The following SLC9C1 variants were observed in gnomAD, a reference collection of about 807,000 sequenced individuals.
SLC9C1 encodes the protein sodium/hydrogen exchanger 10.
In SLC9C1, 97 loss-of-function variants were observed where a neutral mutation model predicts 140.9. The observed-to-expected ratio is 0.69, with a 90% CI of 0.58 to 0.82. The LOEUF (loss-of-function observed/expected upper bound fraction) is 0.82, where lower values mean the gene tolerates loss of function less well. SLC9C1 is among the 40% of genes least tolerant of loss of function. The pLI is 0.00. For missense variants in SLC9C1, 1,340 were observed against 1,389.3 expected (o/e 0.96, Z 0.56); for synonymous variants, 440 against 442.6 (o/e 0.99, Z 0.07).
chr3:112,184,366 G>A (rs530216347), intron 20 of SLC9C1, among the ~76,000 whole-genome samples: 5,470 of 110,686 alleles, frequency 0.049, 194 homozygotes, highest in South Asian at 0.083. Context: ...GGCCAGGTGC[G>A]GTGGCTCATG....
chr3:112,194,139 A>G (rs996140690), intron 20 of SLC9C1, among the ~76,000 whole-genome samples: 1 of 152,116 alleles, frequency 6.6e-6, no homozygotes, highest in African/African-American at 2.4e-5. Context: ...ATCTGGAGTA[A>G]TGCAGCTTCA....
Position 112,231,623 on chromosome 3 carries a change from C to T in SLC9C1, c.1447-137G>A, listed in dbSNP as rs1433810611. ...TGGTAGATAAGAAAAATGTTCAGAT[C>T]CTCATCATTTGCTCAAATGTCCTAA... On this transcript the variant is annotated intron_variant, in intron 12 of 28. Transcript: ENST00000305815. 3 of 797,442 alleles carry T rather than the reference C, an allele frequency of 3.8e-6. No homozygotes were observed. In the East Asian group the frequency reaches 8.1e-5, roughly 21 times the overall value. 49.4% of individuals were successfully genotyped at this position (797,442 alleles called of 1,614,324 possible). A position where few individuals can be genotyped will look rare whatever the true frequency, so the allele number is the denominator to read the frequency against.
chr3:112,142,001 C>G (rs1415312964), intron 28 of SLC9C1, among the ~76,000 whole-genome samples: 1 of 152,170 alleles, frequency 6.6e-6, no homozygotes, highest in Non-Finnish European at 1.5e-5. Flanking sequence ...CGTTGTTAGA[C>G]ACTTGGGCTC....
At chr3:112,266,176 T>C (rs2079913225) in intron 8 of SLC9C1, 62 bp downstream of exon 8, 1 of 1,183,320 alleles carries the variant, frequency 8.5e-7, no homozygotes, top group Admixed American at 2.1e-5. Context: ...TAGATATTGT[T>C]ACTATTATAA....
At chr3:112,182,951 A>C (rs965995735) in intron 20 of SLC9C1, among the ~76,000 whole-genome samples, 2 of 152,046 alleles carry the variant, frequency 1.3e-5, no homozygotes, top group Non-Finnish European at 2.9e-5. Flanking sequence ...TATTCATTTT[A>C]TTTTCATCGT....
intron 2 of SLC9C1, among the ~76,000 whole-genome samples, chr3:112,283,360 G>A (rs2080410804): frequency 6.6e-6 from 1 of 151,966 alleles, no homozygotes; most frequent in South Asian, 2.1e-4. Flanking sequence ...GTGTGTGCCT[G>A]TGGTCCTAGC....
intron 16 of SLC9C1, among the ~76,000 whole-genome samples, chr3:112,206,849 C>T (rs1172567582): frequency 1.0e-4 from 4 of 39,502 alleles, no homozygotes; most frequent in Non-Finnish European, 1.9e-4. Flanking sequence ...GTCGTGGGGT[C>T]GGGGGCTGGG....
chr3:112,271,730 T>C (rs1406881322), intron 6 of SLC9C1, among the ~76,000 whole-genome samples: 1 of 152,152 alleles, frequency 6.6e-6, no homozygotes, highest in Admixed American at 6.5e-5. Flanking sequence ...CTAGATCTAA[T>C]GTAATACACA....
At position 112,269,899 on chromosome 3, in the gene SLC9C1, A is replaced by AT. The variant is rs1298919796; in HGVS notation, c.775+16dup. ...TTTTCTATGTGATTTTATTTTAGGC[A>AT]TAGGCCCCTCACTTACAAATATAAA... On this transcript the variant is annotated intron_variant, in intron 7 of 28. Coordinates refer to ENST00000305815, the MANE Select transcript of SLC9C1 (RefSeq NM_183061.3). 1 of 1,478,438 alleles carries AT rather than the reference A, an allele frequency of 6.8e-7. No homozygotes were observed. The highest frequency in any genetic ancestry group is 9.0e-7 in the Non-Finnish European group (1 of 1,116,450). The allele number at this position is 1,478,438 out of a possible 1,614,324, so 91.6% of individuals were successfully genotyped here. A position where few individuals can be genotyped will look rare whatever the true frequency, so the allele number is the denominator to read the frequency against.
chr3:112,193,485 T>A (rs1366123740), intron 20 of SLC9C1, among the ~76,000 whole-genome samples: 1 of 152,148 alleles, frequency 6.6e-6, no homozygotes, highest in Non-Finnish European at 1.5e-5. Context: ...CAGAGGCATG[T>A]CTGTGTTGAG....
chr3:112,206,989 T>TATA (rs1214623525), intron 16 of SLC9C1, among the ~76,000 whole-genome samples: 4 of 152,070 alleles, frequency 2.6e-5, no homozygotes, highest in South Asian at 2.1e-4. Context: ...GAACTTAAAG[T>TATA]ATAATAATAA....
At chr3:112,288,829 T>C (rs2108371574) in intron 1 of SLC9C1, among the ~76,000 whole-genome samples, 1 of 152,118 alleles carries the variant, frequency 6.6e-6, no homozygotes, top group East Asian at 1.9e-4. Flanking sequence ...TGCTTGTAGG[T>C]TGAAAGACTC....
intron 28 of SLC9C1, among the ~76,000 whole-genome samples, chr3:112,148,909 A>G (rs1298853616): frequency 6.6e-6 from 1 of 151,564 alleles, no homozygotes; most frequent in Non-Finnish European, 1.5e-5. Context: ...GGAGTTGGGA[A>G]ACCTTGGCTC....
At chr3:112,214,755 T>G (rs2108091853) in intron 15 of SLC9C1, among the ~76,000 whole-genome samples, 1 of 152,294 alleles carries the variant, frequency 6.6e-6, no homozygotes, top group African/African-American at 2.4e-5. Context: ...ACCAGATGGA[T>G]TCACAGCCGA....
intron 28 of SLC9C1, among the ~76,000 whole-genome samples, chr3:112,148,348 A>T (rs1375708161): frequency 6.6e-6 from 1 of 152,190 alleles, no homozygotes. Context: ...TCATGGTGCC[A>T]GAATTCTTGC....
In SLC9C1 at chr3:112,262,957, A is replaced by G; in HGVS notation, c.1164T>C (p.Asp388=). The change falls in exon 10 of 29, where the codon GAT becomes GAC. Residue 388 remains aspartate (D), a synonymous_variant. Coordinates refer to ENST00000305815, the MANE Select transcript of SLC9C1 (RefSeq NM_183061.3). ...TTTCTTTGTCAGATCCAAAATAAAG[A>G]TCAGAGTAGGCAAGCAGAAGGGCCA... ...INMALLLAYS[D]LYFGSDKEKS... 6.3e-7 allele frequency: 1 copy of G among 1,586,890 alleles called. No homozygotes were observed. Among genetic ancestry groups the G allele is most frequent in the Non-Finnish European group, 8.5e-7 (1 of 1,171,204 alleles).
intron 17 of SLC9C1, among the ~76,000 whole-genome samples, chr3:112,202,890 G>T (rs900628617): frequency 6.6e-6 from 1 of 151,826 alleles, no homozygotes; most frequent in Non-Finnish European, 1.5e-5. Context: ...AAGTCTCCAG[G>T]TTATCAGCTA....
intron 12 of SLC9C1, among the ~76,000 whole-genome samples, chr3:112,238,851 G>A (rs1191852610): frequency 6.6e-6 from 1 of 152,174 alleles, no homozygotes; most frequent in East Asian, 1.9e-4. Context: ...GCCATGTGAG[G>A]GGTCAGTCTG....
intron 7 of SLC9C1, among the ~76,000 whole-genome samples, chr3:112,269,389 C>G (rs1222815700): frequency 1.3e-5 from 2 of 152,208 alleles, no homozygotes; most frequent in Non-Finnish European, 2.9e-5. Context: ...GGATTATAGG[C>G]ATAAGCCACC....
Sources: allele counts gnomAD v4.1 joint callset (sites outside exome capture counted in the v4.1 genomes callset), GRCh38; gene constraint gnomAD v4.1.1; transcripts MANE v1.5; gene names NCBI Gene and HGNC (gene_info 2026-07-23, HGNC 2026-07-21).